RGS6: variants seen among roughly 807,000 people sequenced by gnomAD.
The protein encoded by RGS6 is regulator of G protein signaling 6.
Under a neutral mutation model 78.5 loss-of-function variants are expected in RGS6, and 30 were observed. The observed-to-expected ratio is 0.38, with a 90% CI of 0.29 to 0.52. The LOEUF (loss-of-function observed/expected upper bound fraction) is 0.52. Among genes scored for constraint, RGS6 ranks in the 20% least tolerant of loss-of-function variants. The probability of loss-of-function intolerance (pLI) is 0.85; values close to 1 mark genes in which losing one functional copy is unlikely to be tolerated. For synonymous variants in RGS6, 206 were observed against 206.0 expected, an observed-to-expected ratio of 1.00 and a Z score of 0.00; for missense variants, 495 against 609.7, an observed-to-expected ratio of 0.81 and a Z score of 1.98.
At chr14:71,926,375 G>C in the RGS6 span, among the ~76,000 whole-genome samples, 39 of 152,318 alleles carry the variant, frequency 2.6e-4, no homozygotes, top group African/African-American at 9.4e-4. Context: ...CCTGAGGTCA[G>C]GGGTTTTAGA....
chr14:72,186,197 C>G (rs2097243328), intron 2 of RGS6, among the ~76,000 whole-genome samples: 1 of 152,180 alleles, frequency 6.6e-6, no homozygotes, highest in African/African-American at 2.4e-5. Flanking sequence ...ATCAGCTGAT[C>G]CCATTTCTCT....
chr14:72,389,843 C>A (rs2089442944), intron 3 of RGS6, among the ~76,000 whole-genome samples: 1 of 152,140 alleles, frequency 6.6e-6, no homozygotes, highest in Admixed American at 6.5e-5. Context: ...TGAAGTCTAT[C>A]CCATGTGTAT....
intron 1 of RGS6, among the ~76,000 whole-genome samples, chr14:71,935,079 A>G (rs79920324): frequency 7.9e-4 from 121 of 152,352 alleles, no homozygotes; most frequent in African/African-American, 2.7e-3. Flanking sequence ...TGGAAGGAAT[A>G]TATTTACCAA....
At chr14:72,111,226 C>G (rs532557880) in intron 2 of RGS6, among the ~76,000 whole-genome samples, 6 of 152,108 alleles carry the variant, frequency 3.9e-5, no homozygotes, top group Non-Finnish European at 8.8e-5. Context: ...GAAATCGATT[C>G]TTTTTAGCTA....
At chr14:72,359,386 TG>T (rs2081031364) in intron 3 of RGS6, among the ~76,000 whole-genome samples, 1 of 150,002 alleles carries the variant, frequency 6.7e-6, no homozygotes, top group South Asian at 2.2e-4. Context: ...GGGGTTGGGG[TG>T]GGGGGCAGTT....
chr14:72,219,616 T>A (rs960563683), intron 2 of RGS6, among the ~76,000 whole-genome samples: 2 of 152,194 alleles, frequency 1.3e-5, no homozygotes, highest in African/African-American at 4.8e-5. Context: ...ATTAGGGATA[T>A]CAATACTTTG....
chr14:72,339,911 C>G (rs1292781531), intron 2 of RGS6, among the ~76,000 whole-genome samples: 1 of 152,144 alleles, frequency 6.6e-6, no homozygotes, highest in Non-Finnish European at 1.5e-5. Context: ...TGGGATCAGG[C>G]AGGAATTTCC....
rs545337694 is a variant in RGS6 at position 72,287,417 on chromosome 14, T to G, written c.85-64678T>G. Among the ~76,000 whole-genome samples, 10 of 152,292 alleles carry G rather than the reference T, an allele frequency of 6.6e-5. 1 individual carries two copies. Among genetic ancestry groups the G allele is most frequent in the African/African-American group, 2.4e-4 (10 of 41,562 alleles). Reference sequence around the variant, plus strand: ...AAGAAAAGCTTTTATTTTTCGTTAGTATAATGTTAACTGCGGGATTGTCAT... The same window carrying G: ...AAGAAAAGCTTTTATTTTTCGTTAGGATAATGTTAACTGCGGGATTGTCAT... On this transcript the variant is annotated intron_variant, in intron 2 of 17. Transcript: ENST00000553525.
intron 2 of RGS6, among the ~76,000 whole-genome samples, chr14:72,061,346 C>G (rs2093884166): frequency 6.6e-6 from 1 of 152,228 alleles, no homozygotes; most frequent in Non-Finnish European, 1.5e-5. Flanking sequence ...CTCAGTGTAA[C>G]CTAACCTATT....
chr14:72,478,272 C>G lies in RGS6; in HGVS notation c.797C>G (p.Thr266Arg). 1 of 1,612,182 alleles carries G rather than the reference C, an allele frequency of 6.2e-7. No homozygotes were observed. Among genetic ancestry groups the G allele is most frequent in the Non-Finnish European group, 8.5e-7 (1 of 1,178,370 alleles). ...CTGTGTTCTCTATTTTCCCAGATAA[C>G]ATTTTTGAACGCACAGATCGACAGA... ...TTKEDIRKQI[T>R]FLNAQIDRHC... Residue 266 changes from threonine (T) to arginine (R), a missense_variant, in exon 12 of 18, where the codon ACA becomes AGA. Physicochemically the swap from Thr to Arg is moderately conservative, Grantham distance 71. Coordinates refer to ENST00000553525, the MANE Select transcript of RGS6 (RefSeq NM_001204424.2).
At chr14:71,902,023 T>A in the RGS6 span, among the ~76,000 whole-genome samples, 79,583 of 151,944 alleles carry the variant, frequency 0.52, 23,952 homozygotes, top group Non-Finnish European at 0.67. Flanking sequence ...GTTGCAGCCA[T>A]CTTTCTACAA....
At chr14:72,323,194 T>C (rs537278380) in intron 2 of RGS6, among the ~76,000 whole-genome samples, 2 of 152,242 alleles carry the variant, frequency 1.3e-5, no homozygotes, top group African/African-American at 2.4e-5. Context: ...ACTTAGGTGA[T>C]TGAGTACAAA....
intron 2 of RGS6, among the ~76,000 whole-genome samples, chr14:72,011,777 C>CT (rs982336123): frequency 6.6e-6 from 1 of 152,050 alleles, no homozygotes; most frequent in Non-Finnish European, 1.5e-5. Flanking sequence ...TTGGTATCCT[C>CT]TGGGGGGGTA....
intron 1 of RGS6, among the ~76,000 whole-genome samples, chr14:71,938,043 C>T (rs2089832331): frequency 6.6e-6 from 1 of 152,156 alleles, no homozygotes; most frequent in Non-Finnish European, 1.5e-5. Context: ...TGTTCATGGG[C>T]CCATTGGGTG....
intron 2 of RGS6, among the ~76,000 whole-genome samples, chr14:72,231,847 T>G (rs1600031449): frequency 2.0e-5 from 3 of 150,226 alleles, no homozygotes; most frequent in South Asian, 2.1e-4. Flanking sequence ...AGGAGAGGGG[T>G]GGGGGATGAA....
intron 2 of RGS6, among the ~76,000 whole-genome samples, chr14:72,284,928 T>G (rs113439803): frequency 0.017 from 2,628 of 152,294 alleles, 72 homozygotes; most frequent in African/African-American, 0.056. Context: ...ATTTTCAAGC[T>G]TTAAGATTTC....
chr14:72,261,986 G>A (rs781661533), intron 2 of RGS6, among the ~76,000 whole-genome samples: 56 of 151,638 alleles, frequency 3.7e-4, no homozygotes, highest in Non-Finnish European at 1.5e-4. Flanking sequence ...TTAAATCACT[G>A]TAATTCATGA....
the RGS6 span, among the ~76,000 whole-genome samples, chr14:72,573,485 A>C: frequency 6.6e-6 from 1 of 152,226 alleles, no homozygotes. Flanking sequence ...CTACATTTTT[A>C]ACAAGTAATT....
chr14:72,201,558 A>G (rs1337676494), intron 2 of RGS6, among the ~76,000 whole-genome samples: 1 of 152,238 alleles, frequency 6.6e-6, no homozygotes, highest in Non-Finnish European at 1.5e-5. Flanking sequence ...ACTCTAAGTT[A>G]ATCTACAAGA....
Sources: gnomAD v4.1 joint callset for allele counts (sites outside exome capture counted in the v4.1 genomes callset) on GRCh38, gnomAD v4.1.1 for gene constraint, MANE v1.5 for transcripts, NCBI Gene and HGNC (gene_info 2026-07-23, HGNC 2026-07-21) for gene names.